The following FIGN variants were observed in gnomAD, a reference collection of about 807,000 sequenced individuals.
The protein encoded by FIGN is fidgetin, microtubule severing factor.
In FIGN, 11 loss-of-function variants were observed where a neutral mutation model predicts 51.3. The ratio of observed to expected loss-of-function variants is 0.21; its 90% CI spans 0.13 to 0.35. The LOEUF (loss-of-function observed/expected upper bound fraction) is 0.35. Among genes scored for constraint, FIGN ranks in the 10% least tolerant of loss-of-function variants. The pLI is 1.00. For synonymous variants in FIGN, 407 were observed against 363.2 expected, an observed-to-expected ratio of 1.12 and a Z score of -1.37; for missense variants, 857 against 943.6, an observed-to-expected ratio of 0.91 and a Z score of 1.20.
At chr2:163,669,130 GA>G (rs1472179943) in intron 2 of FIGN, among the ~76,000 whole-genome samples, 7 of 151,300 alleles carry the variant, frequency 4.6e-5, no homozygotes, top group African/African-American at 9.7e-5. Context: ...TTTCTCAACT[GA>G]AAAAAAGTTG....
intron 2 of FIGN, among the ~76,000 whole-genome samples, chr2:163,690,888 C>T (rs1684229923): frequency 6.6e-6 from 1 of 151,962 alleles, no homozygotes. Flanking sequence ...CAGGCCTTCT[C>T]ATGATTTTTT....
At position 163,609,911 on chromosome 2, in the gene FIGN, G is replaced by A. The variant is rs781372648; in HGVS notation, c.1921C>T (p.Arg641Trp). ...SKPEEIDESL[R>W]RYFMKRLLIP... ...AAAAGTCGTTTCATGAAGTACCTCCGAAGGGATTCATCTATTTCTTCTGGT... is the reference window on the plus strand; with the variant it reads ...AAAAGTCGTTTCATGAAGTACCTCCAAAGGGATTCATCTATTTCTTCTGGT... The change falls in exon 3 of 3, where the codon CGG becomes TGG. Residue 641 changes from arginine to tryptophan, a missense_variant. This residue lies in a region of FIGN where 799 missense variants were observed against 849.5 expected (regional missense o/e 0.94). Coordinates refer to ENST00000333129, the MANE Select transcript of FIGN (RefSeq NM_018086.4). The A allele has an allele frequency of 1.2e-6, 2 of 1,614,048 alleles. No individual in the cohort carries two copies. Among genetic ancestry groups the A allele is most frequent in the East Asian group, 2.2e-5 (1 of 44,876 alleles).
Position 163,675,706 on chromosome 2 carries a change from CTT to C in FIGN, c.25+59195_25+59196del, listed in dbSNP as rs900840520. Among the ~76,000 whole-genome samples, 245 of 100,502 alleles carry C rather than the reference CTT, an allele frequency of 2.4e-3. 3 individuals are homozygous for C. In the South Asian group the frequency reaches 0.044, roughly 18 times the overall value. 65.9% of individuals were successfully genotyped at this position (100,502 alleles called of 152,430 possible). On this transcript the variant is annotated intron_variant, in intron 2 of 2. Coordinates refer to ENST00000333129, the MANE Select transcript of FIGN (RefSeq NM_018086.4). ...TGAATGTCTTTTCTTTTCTTTCTTTCTTTTTTTTTTTTTTTTTTTTTTTGTAC... is the reference window on the plus strand; with the variant it reads ...TGAATGTCTTTTCTTTTCTTTCTTTCTTTTTTTTTTTTTTTTTTTTTGTAC...
chr2:163,671,976 A>G (rs536322702), intron 2 of FIGN, among the ~76,000 whole-genome samples: 15 of 152,316 alleles, frequency 9.8e-5, no homozygotes, highest in African/African-American at 3.4e-4. Flanking sequence ...TGAGATGGAA[A>G]TATCCTGGCA....
chr2:163,616,987 A>G, intron 2 of FIGN: 1 of 521,576 alleles, frequency 1.9e-6, no homozygotes, highest in Non-Finnish European at 2.5e-6. Context: ...TGCAATATCT[A>G]CTTATTATCA....
At position 163,660,871 on chromosome 2, in the gene FIGN, ATATATATATTTTTTTTT is replaced by A. The variant is rs1683663538; in HGVS notation, c.26-49082_26-49066del. ...TATATATGTATACATATATATATAT[ATATATATATTTTTTTTT>A]TTTTTTTTTTTTTTTTTGAGATGGA... On this transcript the variant is annotated intron_variant, in intron 2 of 2. Transcript: ENST00000333129. Among the ~76,000 whole-genome samples the A allele has an allele frequency of 3.8e-4, 7 of 18,386 alleles. 3 individuals carry two copies. The highest frequency in any genetic ancestry group is 7.3e-4 in the Non-Finnish European group (7 of 9,580). The allele number at this position is 18,386 out of a possible 152,430, so 12.1% of individuals were successfully genotyped here.
chr2:163,651,999 T>C (rs1330334860), intron 2 of FIGN, among the ~76,000 whole-genome samples: 2 of 152,192 alleles, frequency 1.3e-5, no homozygotes, highest in East Asian at 3.9e-4. Flanking sequence ...CTTAAGGACA[T>C]CTGCAATTAC....
At chr2:163,681,452 T>C (rs1684060556) in intron 2 of FIGN, among the ~76,000 whole-genome samples, 1 of 152,106 alleles carries the variant, frequency 6.6e-6, no homozygotes, top group African/African-American at 2.4e-5. Flanking sequence ...GGCTCATAAT[T>C]ATAATCCCAG....
chr2:163,688,677 T>C (rs949895549), intron 2 of FIGN, among the ~76,000 whole-genome samples: 1 of 152,072 alleles, frequency 6.6e-6, no homozygotes, highest in African/African-American at 2.4e-5. Context: ...CATGAACACA[T>C]TGTTTGTGGA....
At chr2:163,699,093 A>AT (rs2105349594) in intron 2 of FIGN, among the ~76,000 whole-genome samples, 1 of 152,146 alleles carries the variant, frequency 6.6e-6, no homozygotes, top group East Asian at 1.9e-4. Context: ...CTACAGGAAT[A>AT]AATGAGGGAA....
rs1389052909 is a variant in FIGN at position 163,602,892 on chromosome 2, G to C, written c.*6660C>G. The C allele has an allele frequency of 6.6e-6, 1 of 151,786 alleles. No homozygotes were observed. Among genetic ancestry groups the C allele is most frequent in the Non-Finnish European group, 1.5e-5 (1 of 67,920 alleles). 9.4% of individuals were successfully genotyped at this position (151,786 alleles called of 1,614,324 possible). On this transcript the variant is annotated 3_prime_UTR_variant, in exon 3 of 3. Coordinates refer to ENST00000333129, the MANE Select transcript of FIGN (RefSeq NM_018086.4). ...CTGAATTTTTTTTTAATATATTACA[G>C]TGCCAACACCCAAGAAAATGAGATG... is the stretch of plus-strand genomic sequence containing the variant.
intron 2 of FIGN, among the ~76,000 whole-genome samples, chr2:163,657,664 C>T (rs2105325190): frequency 6.6e-6 from 1 of 152,206 alleles, no homozygotes; most frequent in Admixed American, 6.5e-5. Flanking sequence ...AGTTCTTCCA[C>T]TTGGCCAGAG....
chr2:163,723,512 G>C (rs1244744096), intron 2 of FIGN, among the ~76,000 whole-genome samples: 1 of 152,056 alleles, frequency 6.6e-6, no homozygotes, highest in Non-Finnish European at 1.5e-5. Flanking sequence ...CCTAATTAGG[G>C]TGCCTCAAAG....
At position 163,703,419 on chromosome 2, in the gene FIGN, G is replaced by C. The variant is rs1487372345; in HGVS notation, c.25+31484C>G. 2.0e-5 allele frequency among the ~76,000 whole-genome samples: 3 copies of C among 151,998 alleles called. No homozygotes were observed. The East Asian group carries it at 5.8e-4, about 29-fold the overall frequency. ...AAGGTTGAACATGCAAATTTGTAGG[G>C]GAGAGGAATTAAAACAGTGATTTCT... On this transcript the variant is annotated intron_variant, in intron 2 of 2. Transcript: ENST00000333129.
intron 2 of FIGN, among the ~76,000 whole-genome samples, chr2:163,620,814 C>G (rs1682955939): frequency 6.6e-6 from 1 of 150,792 alleles, no homozygotes; most frequent in South Asian, 2.1e-4. Context: ...AAATGGTATA[C>G]TAACCACTAG....
intron 2 of FIGN, among the ~76,000 whole-genome samples, chr2:163,632,474 G>C (rs1407031551): frequency 6.6e-6 from 1 of 152,162 alleles, no homozygotes; most frequent in African/African-American, 2.4e-5. Flanking sequence ...GCTGGCACTT[G>C]GCTTCACCTT....
At chr2:163,705,313 G>T (rs1474609770) in intron 2 of FIGN, among the ~76,000 whole-genome samples, 1 of 152,118 alleles carries the variant, frequency 6.6e-6, no homozygotes, top group African/African-American at 2.4e-5. Flanking sequence ...CAGAAAAGCT[G>T]AGTAGCACAA....
chr2:163,615,313 A>G (rs1192884187), intron 2 of FIGN, among the ~76,000 whole-genome samples: 10 of 152,124 alleles, frequency 6.6e-5, no homozygotes, highest in Non-Finnish European at 1.3e-4. Context: ...ATTTAAAAGC[A>G]TAAGCTAATC....
At chr2:163,726,329 G>A (rs1684837667) in intron 2 of FIGN, among the ~76,000 whole-genome samples, 1 of 152,050 alleles carries the variant, frequency 6.6e-6, no homozygotes, top group African/African-American at 2.4e-5. Context: ...AGGATACCAC[G>A]ATAAGGGCAG....
Sources: allele counts gnomAD v4.1 joint callset (sites outside exome capture counted in the v4.1 genomes callset), GRCh38; gene constraint gnomAD v4.1.1; regional missense constraint gnomAD v4.1.1; transcripts MANE v1.5; gene names NCBI Gene and HGNC (gene_info 2026-07-23, HGNC 2026-07-21).